Variants in VCAM1 observed in about 807,000 individuals in gnomAD.
The protein encoded by VCAM1 is vascular cell adhesion protein 1.
Under a neutral mutation model 63.8 loss-of-function variants are expected in VCAM1, and 41 were observed. The ratio of observed to expected loss-of-function variants is 0.64; its 90% CI spans 0.50 to 0.83. The LOEUF is 0.83. VCAM1 is among the 40% of genes least tolerant of loss of function. VCAM1 has a pLI of 0.00. For missense variants in VCAM1, 798 were observed against 875.5 expected, an observed-to-expected ratio of 0.91 and a Z score of 1.12; for synonymous variants, 338 against 320.7, an observed-to-expected ratio of 1.05 and a Z score of -0.58.
chr1:100,736,566 G>A (rs1660655974), intron 8 of VCAM1: 1 of 151,982 alleles, frequency 6.6e-6, no homozygotes, highest in African/African-American at 2.4e-5. Flanking sequence ...AGACTGAAAG[G>A]CAAAAGATAA....
In VCAM1 at chr1:100,731,287, C is replaced by G. The variant is rs971110131; in HGVS notation, c.1294C>G (p.Pro432Ala). ...AAGCTGCAAGGTTCCTAGCGTGTAC[C>G]CCCTTGACCGGCTGGAGATTGAATT... ...TVSCKVPSVY[P>A]LDRLEIELLK... Residue 432 changes from proline to alanine, a missense_variant, in exon 6 of 9, where the codon CCC (proline) becomes GCC (alanine). By Grantham distance (27) the Pro-to-Ala change is conservative (BLOSUM62 -1). Transcript: ENST00000294728. This position sits in a 1 kb window ranked among gnomAD's most constrained non-coding sequence, Gnocchi z 4.2. 1 of 1,613,736 alleles carries G rather than the reference C, an allele frequency of 6.2e-7. No individual in the cohort carries two copies.
intron 2 of VCAM1, among the ~76,000 whole-genome samples, chr1:100,721,249 T>C (rs1659940507): frequency 6.6e-6 from 1 of 152,138 alleles, no homozygotes; most frequent in Admixed American, 6.6e-5. Flanking sequence ...TAGACATAAT[T>C]GTTAATATCT....
At chr1:100,730,943 A>G (rs925388454) in intron 5 of VCAM1, among the ~76,000 whole-genome samples, 37 of 152,178 alleles carry the variant, frequency 2.4e-4, no homozygotes, top group African/African-American at 8.9e-4. Context: ...AAGATTGCAT[A>G]TTAAGAAGAA....
chr1:100,732,293 G>A (rs2100832780), intron 6 of VCAM1, 125 bp from the exon 7 acceptor site: 1 of 1,014,524 alleles, frequency 9.9e-7, no homozygotes. Flanking sequence ...CTCTTGTGGT[G>A]AATTATCAAG....
chr1:100,733,528 T>C (rs1296213086), intron 7 of VCAM1, among the ~76,000 whole-genome samples: 1 of 152,108 alleles, frequency 6.6e-6, no homozygotes, highest in Non-Finnish European at 1.5e-5. Flanking sequence ...CAAAAAAACC[T>C]TTTGGATGGT....
In VCAM1 at chr1:100,731,408, C is replaced by T; in HGVS notation, c.1415C>T (p.Pro472Leu). ...AAAAGTTTGGAAATGACCTTCATCC[C>T]TACCATTGAAGATACTGGAAAAGCT... The part of the protein sequence containing the change: ...ENKSLEMTFI[P>L]TIEDTGKALV... The change falls in exon 6 of 9, where the codon CCT (proline) becomes CTT (leucine). Residue 472 changes from proline (P) to leucine (L), a missense_variant. Transcript: ENST00000294728. This position sits in a 1 kb window ranked among gnomAD's most constrained non-coding sequence, Gnocchi z 4.2. 4 of 1,613,770 alleles carry T rather than the reference C, an allele frequency of 2.5e-6. No individual in the cohort carries two copies. In the South Asian group the frequency reaches 4.4e-5, roughly 18 times the overall value.
rs756993047 is a variant in VCAM1 at position 100,722,971 on chromosome 1, A to G, written c.341-49A>G. On this transcript the variant is annotated intron_variant, in intron 2 of 8. Coordinates refer to ENST00000294728, the MANE Select transcript of VCAM1 (RefSeq NM_001078.4). Reference sequence around the variant, plus strand: ...TTGTGTTAAAGTGGTAAGAGACCTTATATCACATTAGCAAAAAGCCCATCC... The same window carrying G: ...TTGTGTTAAAGTGGTAAGAGACCTTGTATCACATTAGCAAAAAGCCCATCC... 4.5e-6 allele frequency: 7 copies of G among 1,548,818 alleles called. No individual in the cohort carries two copies. In the East Asian group the frequency reaches 1.6e-4, roughly 35 times the overall value.
intron 8 of VCAM1, chr1:100,737,861 T>A: frequency 3.9e-6 from 1 of 258,972 alleles, no homozygotes; most frequent in Non-Finnish European, 7.4e-6. Context: ...ATTTTACAAC[T>A]GAACCTGAAT....
In VCAM1 at chr1:100,729,725, T is replaced by C. The variant is rs548839075; in HGVS notation, c.1204+343T>C. 2.0e-5 allele frequency among the ~76,000 whole-genome samples: 3 copies of C among 152,116 alleles called. No individual in the cohort carries two copies. In the South Asian group the frequency reaches 6.2e-4, roughly 32 times the overall value. ...GGTGACTACTGTTCAGCTACTCCAG[T>C]TGGGAATGAGTAGTTTTAAACTGTT... On this transcript the variant is annotated intron_variant, in intron 5 of 8. Coordinates refer to ENST00000294728, the MANE Select transcript of VCAM1 (RefSeq NM_001078.4).
chr1:100,732,782 A>T, intron 7 of VCAM1, 98 bp downstream of exon 7: 1 of 1,351,206 alleles, frequency 7.4e-7, no homozygotes, highest in Non-Finnish European at 9.9e-7. Flanking sequence ...TTTTTACTAC[A>T]AAAGTGTGAT....
chr1:100,721,087 G>T (rs996061737), intron 2 of VCAM1, among the ~76,000 whole-genome samples: 3 of 151,954 alleles, frequency 2.0e-5, no homozygotes, highest in African/African-American at 7.2e-5. Context: ...ATCCTTACAT[G>T]TTTACTTGCT....
At chr1:100,725,858 G>T (rs1660140913) in intron 4 of VCAM1, among the ~76,000 whole-genome samples, 1 of 151,950 alleles carries the variant, frequency 6.6e-6, no homozygotes, top group Non-Finnish European at 1.5e-5. Flanking sequence ...AATGTAGAAT[G>T]ATTAAGTCAA....
At position 100,731,914 on chromosome 1, in the gene VCAM1, C is replaced by G. The variant is rs1660476419; in HGVS notation, c.1525+396C>G. ...GTGGTGTCACCCTGAGGAACAGTAG[C>G]CTAGATTTACTCTCCAGAGCTCAGT... On this transcript the variant is annotated intron_variant, in intron 6 of 8. Transcript: ENST00000294728. The surrounding 1 kb of genome is among the most constrained non-coding windows in gnomAD (Gnocchi z 4.2). Among the ~76,000 whole-genome samples, 1 of 152,116 alleles carries G rather than the reference C, an allele frequency of 6.6e-6. No individual in the cohort carries two copies. The highest frequency in any genetic ancestry group is 2.1e-4 in the South Asian group (1 of 4,828).
At chr1:100,734,423 A>G (rs3176875) in intron 7 of VCAM1, 79 bp from the exon 8 acceptor site, 1,418,415 of 1,470,320 alleles carry the variant, frequency 0.96, 685,219 homozygotes, top group Middle Eastern at 0.98. Flanking sequence ...CAGGGAAGCT[A>G]TTGTTGATGT....
chr1:100,734,776 T>A lies in VCAM1; in HGVS notation c.2059+8T>A. ...TAACACTTGATGTTCAAGGTGAGTTTGTTTTGAGTTTTTGTTTTCTTGGTA... is the reference window on the plus strand; with the variant it reads ...TAACACTTGATGTTCAAGGTGAGTTAGTTTTGAGTTTTTGTTTTCTTGGTA... On this transcript the variant is annotated splice_region_variant and intron_variant, in intron 8 of 8. Coordinates refer to ENST00000294728, the MANE Select transcript of VCAM1 (RefSeq NM_001078.4). 1 of 1,611,266 alleles carries A rather than the reference T, an allele frequency of 6.2e-7. No individual in the cohort carries two copies. Among genetic ancestry groups the A allele is most frequent in the South Asian group, 1.1e-5 (1 of 90,728 alleles).
At position 100,731,020 on chromosome 1, in the gene VCAM1, T is replaced by C. The variant is rs2100831405; in HGVS notation, c.1205-178T>C. On this transcript the variant is annotated intron_variant, in intron 5 of 8. Transcript: ENST00000294728. The surrounding 1 kb of genome is among the most constrained non-coding windows in gnomAD (Gnocchi z 4.2). Reference sequence around the variant, plus strand: ...TAAGTAGTTTTTGTTTCTAACATTATTCATATATAATATCATAAATATGTC... The same window carrying C: ...TAAGTAGTTTTTGTTTCTAACATTACTCATATATAATATCATAAATATGTC... Among the ~76,000 whole-genome samples, 1 of 152,320 alleles carries C rather than the reference T, an allele frequency of 6.6e-6. No homozygotes were observed. The highest frequency in any genetic ancestry group is 2.1e-4 in the South Asian group (1 of 4,828).
At chr1:100,736,408 T>G (rs533003157) in intron 8 of VCAM1, 5 of 152,284 alleles carry the variant, frequency 3.3e-5, no homozygotes, top group Admixed American at 1.3e-4. Context: ...CATTTTGTCT[T>G]AGCTTGAACG....
chr1:100,723,451 A>G, intron 3 of VCAM1, 111 bp downstream of exon 3: 1 of 1,104,792 alleles, frequency 9.1e-7, no homozygotes, highest in Non-Finnish European at 1.3e-6. Flanking sequence ...TATAGTTTGT[A>G]TTCCATTTGT....
At chr1:100,736,326 C>CA (rs1660647124) in intron 8 of VCAM1, 1 of 152,062 alleles carries the variant, frequency 6.6e-6, no homozygotes, top group South Asian at 2.1e-4. Flanking sequence ...TAATGAAGAC[C>CA]AAAAAATGGA....
Sources: gnomAD v4.1 joint callset for allele counts (sites outside exome capture counted in the v4.1 genomes callset) on GRCh38, gnomAD v4.1.1 for gene constraint, Gnocchi (gnomAD v3.1) non-coding constraint, MANE v1.5 for transcripts, NCBI Gene and HGNC (gene_info 2026-07-23, HGNC 2026-07-21) for gene names.